The following SLCO1A2 variants were observed in gnomAD, a reference collection of about 807,000 sequenced individuals.
SLCO1A2 encodes the protein OATP-1.
In SLCO1A2, 67 loss-of-function variants were observed where a neutral mutation model predicts 69.0. That is an observed-to-expected ratio of 0.97 (90% CI 0.80 to 1.19). The LOEUF (loss-of-function observed/expected upper bound fraction) is 1.19, where lower values mean the gene tolerates loss of function less well. Among genes scored for constraint, SLCO1A2 ranks in the 50% most tolerant of loss-of-function variants. The probability of loss-of-function intolerance (pLI) is 0.00; values close to 1 mark genes in which losing one functional copy is unlikely to be tolerated. For synonymous variants in SLCO1A2, 260 were observed against 265.9 expected, an observed-to-expected ratio of 0.98 and a Z score of 0.22; for missense variants, 787 against 793.7, an observed-to-expected ratio of 0.99 and a Z score of 0.10.
chr12:21,382,625 G>A (rs191400208), intron 1 of SLCO1A2, among the ~76,000 whole-genome samples: 23 of 151,854 alleles, frequency 1.5e-4, no homozygotes, highest in East Asian at 3.9e-4. Flanking sequence ...GTGAAACCCC[G>A]TCTCTACAAA....
rs533485820 is a variant in SLCO1A2, at chr12:21,404,440, T to C, written c.-312+13442A>G. Among the ~76,000 whole-genome samples, 52 of 152,246 alleles carry C rather than the reference T, an allele frequency of 3.4e-4. 1 individual carries two copies. Among genetic ancestry groups the C allele is most frequent in the Admixed American group, 2.4e-3 (37 of 15,294 alleles). On this transcript the variant is annotated intron_variant, in intron 1 of 4. Transcript: ENST00000413682. Reference sequence around the variant, plus strand: ...TGTGTTGGTCCCCTCCCTGTGTCCATGTATTCTCATTGTTCAGCTCCCACT... The same window carrying C: ...TGTGTTGGTCCCCTCCCTGTGTCCACGTATTCTCATTGTTCAGCTCCCACT...
chr12:21,418,196 G>A (rs1591924367), upstream of SLCO1A2, among the ~76,000 whole-genome samples: 2 of 152,282 alleles, frequency 1.3e-5, 1 homozygote, highest in South Asian at 4.1e-4. Flanking sequence ...TGTTAGTGGT[G>A]CCCCTGGATA....
intron 12 of SLCO1A2, among the ~76,000 whole-genome samples, chr12:21,282,119 G>GAA (rs377032786): frequency 1.8e-4 from 21 of 116,800 alleles, no homozygotes; most frequent in Non-Finnish European, 2.6e-4. Context: ...AGACACATAA[G>GAA]AAAAAAAAAA....
intron 2 of SLCO1A2, among the ~76,000 whole-genome samples, chr12:21,372,568 T>C (rs966494666): frequency 6.6e-6 from 1 of 152,226 alleles, no homozygotes; most frequent in Non-Finnish European, 1.5e-5. Context: ...TGTTTGCATA[T>C]ATGCACATTT....
intron 1 of SLCO1A2, among the ~76,000 whole-genome samples, chr12:21,380,684 T>C (rs1009318619): frequency 7.2e-5 from 11 of 152,180 alleles, no homozygotes; most frequent in African/African-American, 2.4e-4. Context: ...AACTAAATTA[T>C]TGTAATTGGA....
chr12:21,289,783 T>C (rs1278382974), intron 12 of SLCO1A2, among the ~76,000 whole-genome samples: 1 of 150,584 alleles, frequency 6.6e-6, no homozygotes, highest in Non-Finnish European at 1.5e-5. Flanking sequence ...CCAGGGTGTC[T>C]GGACTTGTGA....
At chr12:21,359,746 TAA>T (rs35529364) in intron 2 of SLCO1A2, among the ~76,000 whole-genome samples, 5 of 140,112 alleles carry the variant, frequency 3.6e-5, no homozygotes, top group Non-Finnish European at 4.7e-5. Context: ...GACTCCGTCT[TAA>T]AAAAAAAAAA....
At position 21,354,279 on chromosome 12, in the gene SLCO1A2, C is replaced by A. The variant is rs975190594; in HGVS notation, c.-62-19570G>T. Among the ~76,000 whole-genome samples, 6 of 152,194 alleles carry A rather than the reference C, an allele frequency of 3.9e-5. No individual in the cohort carries two copies. The East Asian group carries it at 1.2e-3, about 29-fold the overall frequency. On this transcript the variant is annotated intron_variant, in intron 2 of 15. Coordinates refer to the SLCO1A2 transcript ENST00000307378. ...TTCCTGGTGGCTACTGAAAAATCAA[C>A]AAGCATTCAATGAACATGTGTTTAG...
At chr12:21,400,507 C>G (rs1476296586) in intron 1 of SLCO1A2, among the ~76,000 whole-genome samples, 1 of 151,744 alleles carries the variant, frequency 6.6e-6, no homozygotes, top group Non-Finnish European at 1.5e-5. Context: ...TACCATTTGA[C>G]CCAGCCATCC....
chr12:21,319,347 G>T, intron 2 of SLCO1A2: 1 of 1,368,136 alleles, frequency 7.3e-7, no homozygotes, highest in Non-Finnish European at 9.8e-7. Flanking sequence ...AGTTCTCTCT[G>T]CAGGACAATA....
chr12:21,365,738 G>C (rs1939323701), intron 2 of SLCO1A2, among the ~76,000 whole-genome samples: 1 of 152,118 alleles, frequency 6.6e-6, no homozygotes, highest in Non-Finnish European at 1.5e-5. Flanking sequence ...AGTGGGTGAA[G>C]GATATGAACA....
rs1942481692 is a variant in SLCO1A2, at chr12:21,269,883, C to G, written c.1794-116G>C. On this transcript the variant is annotated intron_variant, in intron 14 of 14. Transcript: ENST00000683939. The stretch of plus-strand genomic sequence containing the variant: ...AAACAGCAGCTGATGGTTTTGCATG[C>G]TGATCTTATATAAGCAACTTTGCTA... 5 of 652,570 alleles carry G rather than the reference C, an allele frequency of 7.7e-6. 1 individual carries two copies. The highest frequency in any genetic ancestry group is 3.7e-5 in the Admixed American group (1 of 26,910). 40.4% of individuals were successfully genotyped at this position (652,570 alleles called of 1,614,324 possible). A position where few individuals can be genotyped will look rare whatever the true frequency, so the allele number is the denominator to read the frequency against.
chr12:21,318,734 C>G, intron 3 of SLCO1A2, 48 bp downstream of exon 3: 1 of 1,518,924 alleles, frequency 6.6e-7, no homozygotes, highest in Non-Finnish European at 8.9e-7. Context: ...ACTAGCTCCA[C>G]AGATAAGACA....
intron 1 of SLCO1A2, among the ~76,000 whole-genome samples, chr12:21,414,597 G>A (rs1356594102): frequency 6.6e-6 from 1 of 151,986 alleles, no homozygotes; most frequent in Non-Finnish European, 1.5e-5. Flanking sequence ...TTTTGTAAAT[G>A]TCTCACACTT....
At chr12:21,369,492 T>A (rs1939629175) in intron 2 of SLCO1A2, among the ~76,000 whole-genome samples, 1 of 152,232 alleles carries the variant, frequency 6.6e-6, no homozygotes, top group Non-Finnish European at 1.5e-5. Flanking sequence ...CTTAAGCAAG[T>A]CACTTATGTT....
intron 1 of SLCO1A2, among the ~76,000 whole-genome samples, chr12:21,410,926 G>A (rs543970409): frequency 6.6e-6 from 1 of 151,878 alleles, no homozygotes; most frequent in East Asian, 1.9e-4. Flanking sequence ...TATTCTATTG[G>A]GTTATTTGTC....
chr12:21,301,040 G>T, intron 7 of SLCO1A2, 131 bp downstream of exon 7: 1 of 501,410 alleles, frequency 2.0e-6, no homozygotes, highest in Non-Finnish European at 3.4e-6. Flanking sequence ...TCCTCCACTA[G>T]AGTTTCTCAC....
At chr12:21,325,059 GA>G (rs1477998297) in intron 2 of SLCO1A2, among the ~76,000 whole-genome samples, 7 of 152,152 alleles carry the variant, frequency 4.6e-5, no homozygotes, top group African/African-American at 1.7e-4. Context: ...TTGTCATTGG[GA>G]AGTGCTCCCA....
rs539191263 is a variant in SLCO1A2 at position 21,286,874 on chromosome 12, G to T, written c.1610+5290C>A. Among the ~76,000 whole-genome samples the T allele has an allele frequency of 5.2e-3, 784 of 151,398 alleles. 4 individuals carry two copies. Among genetic ancestry groups the T allele is most frequent in the African/African-American group, 0.016 (676 of 41,072 alleles). On this transcript the variant is annotated intron_variant, in intron 12 of 14. Coordinates refer to ENST00000683939, the MANE Select transcript of SLCO1A2 (RefSeq NM_001386879.1). ...AAAAATCAATTCAAGATGGATTAAAGATTTAAACATTAGACTTAAAACCAT... is the reference window on the plus strand; with the variant it reads ...AAAAATCAATTCAAGATGGATTAAATATTTAAACATTAGACTTAAAACCAT...
Sources: allele counts gnomAD v4.1 joint callset (sites outside exome capture counted in the v4.1 genomes callset), GRCh38; gene constraint gnomAD v4.1.1; transcripts MANE v1.5; gene names NCBI Gene and HGNC (gene_info 2026-07-23, HGNC 2026-07-21).